Variants in NOS1AP observed in about 807,000 individuals in gnomAD.
NOS1AP encodes the protein carboxyl-terminal PDZ ligand of neuronal nitric oxide synthase protein.
Under a neutral mutation model 56.2 loss-of-function variants are expected in NOS1AP, and 21 were observed. The observed-to-expected ratio is 0.37, with a 90% CI of 0.26 to 0.54. The LOEUF (loss-of-function observed/expected upper bound fraction) is 0.54, where lower values mean the gene tolerates loss of function less well. Ranked by LOEUF, NOS1AP falls within the 20% of genes least tolerant of loss-of-function variation. The probability of loss-of-function intolerance (pLI) is 0.84; values close to 1 mark genes in which losing one functional copy is unlikely to be tolerated. For missense variants in NOS1AP, 522 were observed against 657.8 expected (o/e 0.79, Z 2.26); for synonymous variants, 270 against 274.6 (o/e 0.98, Z 0.17).
chr1:162,338,082 G>C (rs761342404), intron 5 of NOS1AP, among the ~76,000 whole-genome samples: 1 of 152,188 alleles, frequency 6.6e-6, no homozygotes, highest in Non-Finnish European at 1.5e-5. Flanking sequence ...TTTTTGTTGA[G>C]ATTCTGTGGC....
At chr1:162,349,813 G>A (rs1657433266) in intron 6 of NOS1AP, among the ~76,000 whole-genome samples, 2 of 152,148 alleles carry the variant, frequency 1.3e-5, no homozygotes, top group South Asian at 2.1e-4. Context: ...TTAACTGGAC[G>A]CCCTCTGGTT....
intron 4 of NOS1AP, among the ~76,000 whole-genome samples, chr1:162,321,189 T>C (rs1656402483): frequency 6.6e-6 from 1 of 152,236 alleles, no homozygotes; most frequent in African/African-American, 2.4e-5. Context: ...GAGTAGGGAA[T>C]CCTTTCCCCA....
intron 1 of NOS1AP, among the ~76,000 whole-genome samples, chr1:162,132,747 T>A (rs961083757): frequency 3.9e-5 from 6 of 152,222 alleles, no homozygotes; most frequent in Non-Finnish European, 8.8e-5. Flanking sequence ...GGTCTCCATA[T>A]TGATTCCTCC....
chr1:162,361,286 A>C (rs556423042), intron 8 of NOS1AP, among the ~76,000 whole-genome samples: 6 of 152,324 alleles, frequency 3.9e-5, no homozygotes, highest in Non-Finnish European at 5.9e-5. Context: ...ACAAAAAAAA[A>C]ATCCCATCTG....
At chr1:162,248,942 G>T (rs1157612199) in intron 2 of NOS1AP, among the ~76,000 whole-genome samples, 2 of 151,990 alleles carry the variant, frequency 1.3e-5, no homozygotes, top group Admixed American at 1.3e-4. Flanking sequence ...TTTTATCAAG[G>T]GGTGATGGAC....
intron 1 of NOS1AP, among the ~76,000 whole-genome samples, chr1:162,075,022 A>G (rs1691738953): frequency 1.3e-5 from 2 of 152,352 alleles, no homozygotes; most frequent in Non-Finnish European, 1.5e-5. Context: ...GAAGAGACAT[A>G]AGCCCTACTT....
intron 2 of NOS1AP, among the ~76,000 whole-genome samples, chr1:162,210,945 CA>C (rs1309312239): frequency 2.6e-5 from 4 of 152,360 alleles, no homozygotes; most frequent in African/African-American, 9.6e-5. Flanking sequence ...GGAGGGGCTG[CA>C]GTGCTGCCCA....
intron 2 of NOS1AP, among the ~76,000 whole-genome samples, chr1:162,162,361 A>C (rs1241396242): frequency 1.3e-5 from 2 of 152,254 alleles, no homozygotes; most frequent in African/African-American, 4.8e-5. Flanking sequence ...AAAGTAGCAG[A>C]AAAATGGAGT....
At chr1:162,143,687 C>T (rs558817942) in intron 1 of NOS1AP, among the ~76,000 whole-genome samples, 1 of 152,228 alleles carries the variant, frequency 6.6e-6, no homozygotes, top group African/African-American at 2.4e-5. Context: ...GTCTTGTACT[C>T]TTGGGCTCAA....
At chr1:162,127,014 T>C (rs1189107462) in intron 1 of NOS1AP, among the ~76,000 whole-genome samples, 1 of 152,222 alleles carries the variant, frequency 6.6e-6, no homozygotes, top group East Asian at 1.9e-4. Context: ...GTTTTAATTG[T>C]ACTTCTTTTG....
At chr1:162,150,596 C>A (rs779912387) in intron 1 of NOS1AP, among the ~76,000 whole-genome samples, 4 of 152,100 alleles carry the variant, frequency 2.6e-5, no homozygotes, top group Non-Finnish European at 4.4e-5. Flanking sequence ...TACGAGGGTT[C>A]TTTTTTCTCC....
chr1:162,283,500 A>T (rs914974846), intron 2 of NOS1AP, among the ~76,000 whole-genome samples: 4 of 152,084 alleles, frequency 2.6e-5, no homozygotes, highest in African/African-American at 9.7e-5. Context: ...GTGTCAGGAG[A>T]TGATTAGAAA....
At chr1:162,191,730 T>C (rs1475477964) in intron 2 of NOS1AP, among the ~76,000 whole-genome samples, 2 of 151,784 alleles carry the variant, frequency 1.3e-5, no homozygotes, top group Middle Eastern at 3.2e-3. Context: ...ATCCTGTAGT[T>C]GACCTCTTTG....
chr1:162,171,365 C>G (rs948996987), intron 2 of NOS1AP, among the ~76,000 whole-genome samples: 3 of 152,112 alleles, frequency 2.0e-5, no homozygotes, highest in African/African-American at 4.8e-5. Context: ...ACTTTCTCTC[C>G]CCTTGCTGTT....
intron 8 of NOS1AP, chr1:162,364,011 T>C (rs1657982839): frequency 2.0e-6 from 2 of 985,324 alleles, no homozygotes; most frequent in South Asian, 9.4e-5. Flanking sequence ...AGTGTAATTC[T>C]CTGAGTGCTG....
chr1:162,164,725 C>T (rs1165311053), intron 2 of NOS1AP, among the ~76,000 whole-genome samples: 1 of 152,192 alleles, frequency 6.6e-6, no homozygotes, highest in Non-Finnish European at 1.5e-5. Context: ...GTATTCCCTT[C>T]TGTGACCTTT....
At chr1:162,311,593 TA>T (rs753328353) in intron 4 of NOS1AP, among the ~76,000 whole-genome samples, 186 of 148,462 alleles carry the variant, frequency 1.3e-3, no homozygotes, top group Middle Eastern at 3.4e-3. Flanking sequence ...TTTTTTTTTT[TA>T]ATTATACTTT....
chr1:162,158,039 A>G (rs1267388254), intron 2 of NOS1AP, among the ~76,000 whole-genome samples: 2 of 152,098 alleles, frequency 1.3e-5, no homozygotes, highest in Non-Finnish European at 2.9e-5. Context: ...AAATTTAACT[A>G]TTTTTAAGTG....
At position 162,359,909 on chromosome 1, in the gene NOS1AP, A is replaced by G. The variant is rs576342159; in HGVS notation, c.939+2773A>G. 1.8e-4 allele frequency among the ~76,000 whole-genome samples: 27 copies of G among 152,326 alleles called. No homozygotes were observed. The South Asian group carries it at 5.6e-3, about 32-fold the overall frequency. Reference sequence around the variant, plus strand: ...AGTTTCCTTCTCTCGGAGAGCATCCAAATCCTCCTATGTTGTTCCTGGATA... The same window carrying G: ...AGTTTCCTTCTCTCGGAGAGCATCCGAATCCTCCTATGTTGTTCCTGGATA... On this transcript the variant is annotated intron_variant, in intron 8 of 9. Transcript: ENST00000361897.
Sources: gnomAD v4.1 joint callset for allele counts (sites outside exome capture counted in the v4.1 genomes callset) on GRCh38, gnomAD v4.1.1 for gene constraint, MANE v1.5 for transcripts, NCBI Gene and HGNC (gene_info 2026-07-23, HGNC 2026-07-21) for gene names.